The following NYAP2 variants were observed in gnomAD, a reference collection of about 807,000 sequenced individuals.
NYAP2 encodes neuronal tyrosine-phosphorylated phosphoinositide-3-kinase adaptor 2.
Under a neutral mutation model 50.4 loss-of-function variants are expected in NYAP2, and 23 were observed. That is an observed-to-expected ratio of 0.46 (90% CI 0.33 to 0.65). The LOEUF is 0.65. Among genes scored for constraint, NYAP2 ranks in the 30% least tolerant of loss-of-function variants. The pLI, the probability that NYAP2 is intolerant of heterozygous loss-of-function variation, is 0.02. For synonymous variants in NYAP2, 394 were observed against 365.2 expected, an observed-to-expected ratio of 1.08 and a Z score of -0.90; for missense variants, 885 against 861.0, an observed-to-expected ratio of 1.03 and a Z score of -0.35.
chr2:225,589,887 G>A (rs747641914), intron 5 of NYAP2, among the ~76,000 whole-genome samples: 1 of 152,044 alleles, frequency 6.6e-6, no homozygotes, highest in Non-Finnish European at 1.5e-5. Context: ...GAGAATGAGA[G>A]AATCCTCAGC....
chr2:225,421,201 C>A (rs897394516), intron 3 of NYAP2, among the ~76,000 whole-genome samples: 12 of 152,178 alleles, frequency 7.9e-5, no homozygotes, highest in African/African-American at 2.9e-4. Context: ...TGAGTCACCA[C>A]ACCTAGTGAG....
intron 4 of NYAP2, among the ~76,000 whole-genome samples, chr2:225,538,846 CTTTG>C (rs1381161293): frequency 0.04 from 2,001 of 50,110 alleles, 50 homozygotes; most frequent in Admixed American, 0.063. Flanking sequence ...TTCTTTCTTT[CTTTG>C]TTTTTATTAT....
chr2:225,454,547 T>A (rs1381478518), intron 3 of NYAP2, among the ~76,000 whole-genome samples: 2 of 152,120 alleles, frequency 1.3e-5, no homozygotes, highest in African/African-American at 4.8e-5. Flanking sequence ...GCTGTTAATA[T>A]CTTACATCAG....
At chr2:225,656,438 C>T (rs145638443), downstream of NYAP2, among the ~76,000 whole-genome samples, 377 of 152,288 alleles carry the variant, frequency 2.5e-3, no homozygotes, top group African/African-American at 8.4e-3. Flanking sequence ...GCCCCCTGGC[C>T]TCTCACCAAG....
intron 4 of NYAP2, among the ~76,000 whole-genome samples, chr2:225,576,050 T>C (rs1254996864): frequency 6.6e-6 from 1 of 152,206 alleles, no homozygotes; most frequent in East Asian, 1.9e-4. Context: ...CTGATTAAAG[T>C]CCCTTGTTGT....
intron 4 of NYAP2, among the ~76,000 whole-genome samples, chr2:225,535,700 A>T (rs891585): frequency 0.3 from 45,897 of 152,090 alleles, 7,099 homozygotes; most frequent in South Asian, 0.48. Flanking sequence ...CAGGGGTCAG[A>T]TAGAATCAAG....
chr2:225,688,799 G>A, the NYAP2 span, among the ~76,000 whole-genome samples: 5 of 152,190 alleles, frequency 3.3e-5, no homozygotes, highest in African/African-American at 1.2e-4. Context: ...GTGGAGTGCA[G>A]TGGCACGATC....
chr2:225,579,472 T>A (rs1692233115), intron 4 of NYAP2, among the ~76,000 whole-genome samples: 1 of 152,236 alleles, frequency 6.6e-6, no homozygotes, highest in South Asian at 2.1e-4. Context: ...CACTCTGCAA[T>A]AGAAACTTCT....
At chr2:225,471,921 A>G (rs1488315096) in intron 3 of NYAP2, among the ~76,000 whole-genome samples, 1 of 152,210 alleles carries the variant, frequency 6.6e-6, no homozygotes, top group Non-Finnish European at 1.5e-5. Context: ...TAATTTTAAC[A>G]TACAGAATTT....
intron 5 of NYAP2, among the ~76,000 whole-genome samples, chr2:225,595,982 A>G (rs1574700118): frequency 6.6e-6 from 1 of 152,104 alleles, no homozygotes; most frequent in East Asian, 1.9e-4. Context: ...TTAAACCTTC[A>G]TGAAACATCT....
intron 4 of NYAP2, among the ~76,000 whole-genome samples, chr2:225,560,486 T>G (rs1691852590): frequency 6.6e-6 from 1 of 152,148 alleles, no homozygotes; most frequent in Non-Finnish European, 1.5e-5. Flanking sequence ...TTCAAAGAAT[T>G]TGATACATGA....
intron 3 of NYAP2, among the ~76,000 whole-genome samples, chr2:225,438,167 G>T (rs1052033265): frequency 5.3e-5 from 8 of 152,056 alleles, no homozygotes; most frequent in African/African-American, 1.9e-4. Flanking sequence ...ATTCTGCTCT[G>T]CCCAGTACCA....
intron 3 of NYAP2, among the ~76,000 whole-genome samples, chr2:225,486,638 C>T (rs1210167027): frequency 1.3e-5 from 2 of 152,154 alleles, no homozygotes; most frequent in East Asian, 1.9e-4. Flanking sequence ...AGGCATTGCT[C>T]ATCTAAATTC....
chr2:225,428,257 C>T (rs891789641), intron 3 of NYAP2, among the ~76,000 whole-genome samples: 3 of 152,176 alleles, frequency 2.0e-5, no homozygotes, highest in African/African-American at 7.2e-5. Context: ...ATTGCCCTTT[C>T]TTCCCTGCTG....
chr2:225,608,439 G>A (rs1475099264), intron 5 of NYAP2, among the ~76,000 whole-genome samples: 1 of 151,960 alleles, frequency 6.6e-6, no homozygotes, highest in African/African-American at 2.4e-5. Flanking sequence ...AAAACTGATG[G>A]CATCATCATA....
intron 4 of NYAP2, among the ~76,000 whole-genome samples, chr2:225,518,073 C>A (rs1253029656): frequency 6.6e-6 from 1 of 151,866 alleles, no homozygotes; most frequent in Non-Finnish European, 1.5e-5. Flanking sequence ...AACCTCAGTG[C>A]CCCTTAACAG....
At chr2:225,532,637 G>A (rs890975516) in intron 4 of NYAP2, among the ~76,000 whole-genome samples, 8 of 151,892 alleles carry the variant, frequency 5.3e-5, no homozygotes, top group African/African-American at 1.9e-4. Context: ...TAAAACTTGT[G>A]AATTTTAGTT....
chr2:225,473,956 G>A (rs1460707325), intron 3 of NYAP2, among the ~76,000 whole-genome samples: 2 of 152,222 alleles, frequency 1.3e-5, no homozygotes, highest in Admixed American at 6.5e-5. Context: ...TAACATTTAA[G>A]TCTTGAATCC....
At chr2:225,480,906 T>C (rs558775213) in intron 3 of NYAP2, among the ~76,000 whole-genome samples, 7 of 152,264 alleles carry the variant, frequency 4.6e-5, no homozygotes, top group African/African-American at 1.7e-4. Flanking sequence ...GAATTAACTA[T>C]CTTAAATTGA....
Sources: gnomAD v4.1 joint callset for allele counts (sites outside exome capture counted in the v4.1 genomes callset) on GRCh38, gnomAD v4.1.1 for gene constraint, MANE v1.5 for transcripts, NCBI Gene and HGNC (gene_info 2026-07-23, HGNC 2026-07-21) for gene names.